The following HRH2 variants were observed in gnomAD, a reference collection of about 807,000 sequenced individuals.
HRH2 encodes histamine receptor H2, also known as histamine H2 receptor.
A neutral mutation model predicts 20.1 loss-of-function variants in HRH2; 4 were observed. The observed-to-expected ratio is 0.20, with a 90% CI of 0.10 to 0.45. HRH2 has a LOEUF of 0.45. Ranked by LOEUF, HRH2 falls within the 20% of genes least tolerant of loss-of-function variation. The pLI, the probability that HRH2 is intolerant of heterozygous loss-of-function variation, is 0.99. For synonymous variants in HRH2, 197 were observed against 200.7 expected (o/e 0.98, Z 0.16); for missense variants, 250 against 461.6 (o/e 0.54, Z 4.20).
intron 2 of HRH2, among the ~76,000 whole-genome samples, chr5:175,700,217 G>A (rs1756753028): frequency 6.6e-6 from 1 of 152,208 alleles, no homozygotes; most frequent in Non-Finnish European, 1.5e-5. Context: ...CTGCCCACAA[G>A]GCTCTTACAG....
At chr5:175,691,285 AGAG>A (rs1285308946) in intron 2 of HRH2, 9 of 152,636 alleles carry the variant, frequency 5.9e-5, no homozygotes, top group African/African-American at 2.2e-4. Context: ...AGGAGAGCAG[AGAG>A]GAGGTGGGAA....
At chr5:175,658,620 C>T (rs1454296882) in intron 1 of HRH2, among the ~76,000 whole-genome samples, 3 of 152,126 alleles carry the variant, frequency 2.0e-5, no homozygotes, top group Non-Finnish European at 4.4e-5. Flanking sequence ...AAAGGGAAGC[C>T]AGCGGAGAGC....
Position 175,682,803 on chromosome 5 carries a change from C to A in HRH2, c.-431C>A, listed in dbSNP as rs1475141463. The A allele has an allele frequency of 5.7e-6, 1 of 176,680 alleles. No individual in the cohort carries two copies. The highest frequency in any genetic ancestry group is 2.4e-5 in the African/African-American group (1 of 41,836). The allele number at this position is 176,680 out of a possible 1,614,324, so 10.9% of individuals were successfully genotyped here. On this transcript the variant is annotated 5_prime_UTR_variant, in exon 2 of 3. The change creates a new upstream start codon in the 5' untranslated region. Coordinates refer to ENST00000636584, the MANE Select transcript of HRH2 (RefSeq NM_001367711.1). ...GCACCAGCTATGGAGAGGGATACAGCTGCGTCTCCACATGACCCATCCTGC... is the reference window on the plus strand; with the variant it reads ...GCACCAGCTATGGAGAGGGATACAGATGCGTCTCCACATGACCCATCCTGC...
At chr5:175,684,806 G>A (rs1331427837) in intron 2 of HRH2, among the ~76,000 whole-genome samples, 1 of 152,140 alleles carries the variant, frequency 6.6e-6, no homozygotes, top group African/African-American at 2.4e-5. Context: ...AGCTCTTACC[G>A]TGGGGGGGGT....
chr5:175,663,755 C>T (rs1762805163), intron 1 of HRH2, among the ~76,000 whole-genome samples: 2 of 152,226 alleles, frequency 1.3e-5, no homozygotes, highest in Admixed American at 1.3e-4. Flanking sequence ...GACACTTCTC[C>T]AGCCCCCCTC....
intron 1 of HRH2, among the ~76,000 whole-genome samples, chr5:175,665,026 G>A (rs1762846335): frequency 6.6e-6 from 1 of 152,190 alleles, no homozygotes; most frequent in South Asian, 2.1e-4. Flanking sequence ...GAGGAGGGTG[G>A]GGCTGAGGAG....
At chr5:175,696,270 C>T (rs1308244235) in intron 2 of HRH2, among the ~76,000 whole-genome samples, 1 of 152,238 alleles carries the variant, frequency 6.6e-6, no homozygotes, top group Non-Finnish European at 1.5e-5. Context: ...AAAGTTCGAG[C>T]AGCAGGGCAG....
intron 2 of HRH2, among the ~76,000 whole-genome samples, chr5:175,692,827 A>G (rs1222639447): frequency 1.3e-5 from 2 of 152,078 alleles, no homozygotes; most frequent in Non-Finnish European, 1.5e-5. Context: ...CAACCCCCCA[A>G]CTGTGTTGTG....
chr5:175,679,372 G>A (rs1755879218), intron 1 of HRH2, among the ~76,000 whole-genome samples: 1 of 152,182 alleles, frequency 6.6e-6, no homozygotes, highest in Non-Finnish European at 1.5e-5. Context: ...AGAAGTGAGA[G>A]AGGATGGAGA....
intron 1 of HRH2, among the ~76,000 whole-genome samples, chr5:175,675,261 G>A (rs1755716319): frequency 1.3e-5 from 2 of 152,118 alleles, no homozygotes; most frequent in Non-Finnish European, 2.9e-5. Flanking sequence ...CATTCTCATG[G>A]GTTGAAATCA....
intron 1 of HRH2, among the ~76,000 whole-genome samples, chr5:175,680,949 C>T (rs186944661): frequency 2.6e-5 from 4 of 151,172 alleles, no homozygotes; most frequent in Admixed American, 2.0e-4. Flanking sequence ...GAAGGAGGGG[C>T]GGGAGAGGAG....
In HRH2 at chr5:175,684,198, C is replaced by A. The variant is rs892703323; in HGVS notation, c.965C>A (p.Ser322Tyr). ...SHKTSLRSNA[S>Y]QLSRTQSREP... ...AAAACTTCTCTGAGGTCCAACGCCTCTCAGCTGTCCAGGACCCAAAGCCGA... is the reference window on the plus strand; with the variant it reads ...AAAACTTCTCTGAGGTCCAACGCCTATCAGCTGTCCAGGACCCAAAGCCGA... The change falls in exon 2 of 3, where the codon TCT (serine) becomes TAT (tyrosine). Residue 322 changes from serine (S) to tyrosine (Y), a missense_variant. Ser to Tyr is a moderately radical substitution (Grantham distance 144). Transcript: ENST00000636584. 2 of 1,614,082 alleles carry A rather than the reference C, an allele frequency of 1.2e-6. No homozygotes were observed. The highest frequency in any genetic ancestry group is 2.7e-5 in the African/African-American group (2 of 74,922).
In HRH2 at chr5:175,683,278, C is replaced by A. The variant is rs17065306; in HGVS notation, c.45C>A (p.Thr15=). 2 of 1,613,866 alleles carry A rather than the reference C, an allele frequency of 1.2e-6. No homozygotes were observed. The highest frequency in any genetic ancestry group is 2.7e-5 in the African/African-American group (2 of 74,816). Residue 15 remains threonine, a synonymous_variant, in exon 2 of 3, where the codon ACC becomes ACA. Coordinates refer to ENST00000636584, the MANE Select transcript of HRH2 (RefSeq NM_001367711.1). ...GTASSFCLDS[T]ACKITITVVL... Reference sequence around the variant, plus strand: ...CCTCTTCCTTTTGCCTGGACTCTACCGCATGCAAGATCACCATCACCGTGG... The same window carrying A: ...CCTCTTCCTTTTGCCTGGACTCTACAGCATGCAAGATCACCATCACCGTGG...
chr5:175,677,490 G>C lies in HRH2; in HGVS notation c.-525-5219G>C, dbSNP rs754112332. ...GCCAGGGATCATTTCAGCTCTGACT[G>C]TCTGGGCTGAAGCCACGTTGGTCCG... On this transcript the variant is annotated intron_variant, in intron 1 of 2. Coordinates refer to ENST00000636584, the MANE Select transcript of HRH2 (RefSeq NM_001367711.1). This position sits in a 1 kb window ranked among gnomAD's most constrained non-coding sequence, Gnocchi z 4.2. Among the ~76,000 whole-genome samples the C allele has an allele frequency of 3.9e-5, 6 of 152,212 alleles. No homozygotes were observed. The highest frequency in any genetic ancestry group is 7.3e-5 in the Non-Finnish European group (5 of 68,034).
At chr5:175,684,661 G>A (rs1004891002) in intron 2 of HRH2, among the ~76,000 whole-genome samples, 16 of 152,170 alleles carry the variant, frequency 1.1e-4, no homozygotes, top group East Asian at 7.7e-4. Context: ...CTGAGGAGTC[G>A]TAAGTGTTCA....
intron 1 of HRH2, among the ~76,000 whole-genome samples, chr5:175,670,132 C>T (rs928440560): frequency 1.3e-5 from 2 of 152,136 alleles, no homozygotes; most frequent in Admixed American, 6.5e-5. Flanking sequence ...CAGGTGGGAA[C>T]GAGGGCCAGG....
chr5:175,681,658 A>G lies in HRH2; in HGVS notation c.-525-1051A>G, dbSNP rs1232332749. Among the ~76,000 whole-genome samples, 1 of 152,254 alleles carries G rather than the reference A, an allele frequency of 6.6e-6. No individual in the cohort carries two copies. The highest frequency in any genetic ancestry group is 2.4e-5 in the African/African-American group (1 of 41,460). On this transcript the variant is annotated intron_variant, in intron 1 of 2. Coordinates refer to ENST00000636584, the MANE Select transcript of HRH2 (RefSeq NM_001367711.1). This position sits in a 1 kb window ranked among gnomAD's most constrained non-coding sequence, Gnocchi z 4.3. The stretch of plus-strand genomic sequence containing the variant: ...GCACATGCAGTTACTTTATTGACGT[A>G]GTGTTTGCACTACTTCAATAGTGCA...
chr5:175,682,223 G>A (rs527683661), intron 1 of HRH2, among the ~76,000 whole-genome samples: 3 of 152,336 alleles, frequency 2.0e-5, no homozygotes, highest in East Asian at 1.9e-4. Flanking sequence ...GTCGGCCACC[G>A]CCTTAGAGTA....
intron 1 of HRH2, among the ~76,000 whole-genome samples, chr5:175,664,720 G>A (rs112375016): frequency 0.013 from 1,994 of 152,062 alleles, 54 homozygotes; most frequent in African/African-American, 0.045. Context: ...CTGCAGCCTC[G>A]ACCTGCTGGG....
Sources: gnomAD v4.1 joint callset for allele counts (sites outside exome capture counted in the v4.1 genomes callset) on GRCh38, gnomAD v4.1.1 for gene constraint, Gnocchi (gnomAD v3.1) non-coding constraint, MANE v1.5 for transcripts, NCBI Gene and HGNC (gene_info 2026-07-23, HGNC 2026-07-21) for gene names.